The following TFAP2B variants were observed in gnomAD, a reference collection of about 807,000 sequenced individuals.
TFAP2B encodes the protein transcription factor AP-2-beta.
In TFAP2B, 9 loss-of-function variants were observed where a neutral mutation model predicts 44.3. The ratio of observed to expected loss-of-function variants is 0.20; its 90% CI spans 0.12 to 0.35. The LOEUF (loss-of-function observed/expected upper bound fraction) is 0.35, where lower values mean the gene tolerates loss of function less well. Ranked by LOEUF, TFAP2B falls within the 10% of genes least tolerant of loss-of-function variation. The pLI is 1.00. For missense variants in TFAP2B, 509 were observed against 600.0 expected (o/e 0.85, Z 1.59); for synonymous variants, 270 against 263.8 (o/e 1.02, Z -0.23).
chr6:50,840,097 C>T (rs553983411), intron 5 of TFAP2B, 59 bp from the exon 6 acceptor site: 20 of 1,604,812 alleles, frequency 1.2e-5, no homozygotes, highest in African/African-American at 9.3e-5. Flanking sequence ...GGAATGTCTC[C>T]GCCCTGGGAT....
At chr6:50,820,337 G>C (rs1163153451) in intron 1 of TFAP2B, among the ~76,000 whole-genome samples, 1 of 152,252 alleles carries the variant, frequency 6.6e-6, no homozygotes, top group Admixed American at 6.5e-5. Flanking sequence ...AAGCTCCTGG[G>C]GGACTCGGGC....
intron 3 of TFAP2B, among the ~76,000 whole-genome samples, chr6:50,835,550 G>A (rs1254139268): frequency 6.6e-6 from 1 of 152,180 alleles, no homozygotes; most frequent in Non-Finnish European, 1.5e-5. Context: ...GATGACCATA[G>A]ATCTGGGTCC....
chr6:50,840,000 AGAATC>A (rs1762694639), intron 5 of TFAP2B, among the ~76,000 whole-genome samples, 151 bp from the exon 6 acceptor site: 1 of 152,192 alleles, frequency 6.6e-6, no homozygotes, highest in Non-Finnish European at 1.5e-5. Flanking sequence ...TTATAGCTTG[AGAATC>A]ATTTTTCCTT....
chr6:50,823,854 G>C lies in TFAP2B; in HGVS notation c.529G>C (p.Glu177Gln). ...GCACGGCCTCGGCCATCCCGGAATG[G>C]AAGACGTCCAGGTAACCACAAACAA... ...SLHGLGHPGMEDVQSVEDANN... is the reference protein window; with the variant it reads ...SLHGLGHPGMQDVQSVEDANN... Residue 177 changes from glutamate (E) to glutamine (Q), a missense_variant, in exon 2 of 7, where the codon GAA (glutamate) becomes CAA (glutamine). Physicochemically the swap from Glu to Gln is conservative, Grantham distance 29. Coordinates refer to ENST00000393655, the MANE Select transcript of TFAP2B (RefSeq NM_003221.4). 6.4e-7 allele frequency: 1 copy of C among 1,552,806 alleles called. No homozygotes were observed. Among genetic ancestry groups the C allele is most frequent in the Non-Finnish European group, 8.7e-7 (1 of 1,151,170 alleles).
At chr6:50,841,307 T>A (rs185064848) in intron 6 of TFAP2B, among the ~76,000 whole-genome samples, 87 of 152,238 alleles carry the variant, frequency 5.7e-4, no homozygotes, top group East Asian at 3.9e-3. Context: ...CTCCCAATGA[T>A]CAAAACCTGG....
Position 50,843,381 on chromosome 6 carries a change from C to A in TFAP2B, c.1372C>A (p.His458Asn), listed in dbSNP as rs1169646721. The A allele has an allele frequency of 1.9e-6, 3 of 1,612,650 alleles. No homozygotes were observed. The African/African-American group carries it at 4.0e-5, about 22-fold the overall frequency. ...GSKTGDKEEK[H>N]RK ...TAAAACTGGCGACAAGGAGGAGAAA[C>A]ACAGGAAATGAAAAATTTTTAAAAA... The change falls in exon 7 of 7, where the codon CAC (histidine) becomes AAC (asparagine). Residue 458 changes from histidine to asparagine, a missense_variant. Coordinates refer to ENST00000393655, the MANE Select transcript of TFAP2B (RefSeq NM_003221.4).
intron 1 of TFAP2B, among the ~76,000 whole-genome samples, chr6:50,823,014 C>A (rs1770397462): frequency 6.6e-6 from 1 of 152,212 alleles, no homozygotes; most frequent in African/African-American, 2.4e-5. Flanking sequence ...CCCAGAGGAG[C>A]AAACACCATA....
intron 5 of TFAP2B, 25 bp from the exon 6 acceptor site, chr6:50,840,131 T>G (rs746255386): frequency 2.5e-6 from 4 of 1,613,810 alleles, no homozygotes; most frequent in Non-Finnish European, 3.4e-6. Flanking sequence ...GTGCTGATTA[T>G]TACCTTTACT....
rs367755031 is a variant in TFAP2B at position 50,828,683 on chromosome 6, T to C, written c.601+4T>C. 4 of 1,614,042 alleles carry C rather than the reference T, an allele frequency of 2.5e-6. No homozygotes were observed. On this transcript the variant is annotated splice_donor_region_variant and intron_variant, in intron 3 of 6. Coordinates refer to ENST00000393655, the MANE Select transcript of TFAP2B (RefSeq NM_003221.4). The stretch of plus-strand genomic sequence containing the variant: ...GACCAGTCTGTCATTAAAAAAGGTA[T>C]GGATAATTCCCCCCAAAAAGTAAGC...
rs1561967846 is a variant in TFAP2B at position 50,843,527 on chromosome 6, T to TAA, written c.*135_*136insAA. On this transcript the variant is annotated 3_prime_UTR_variant, in exon 7 of 7. Transcript: ENST00000393655. ...GTAGAATACACATACAATCAAAATT[T>TAA]TAAAAAAAAAAGCTAAATAACTTAA... The TAA allele has an allele frequency of 2.8e-5, 23 of 830,486 alleles. No individual in the cohort carries two copies. Among genetic ancestry groups the TAA allele is most frequent in the African/African-American group, 1.3e-4 (7 of 53,786 alleles). 51.4% of individuals were successfully genotyped at this position (830,486 alleles called of 1,614,324 possible).
In TFAP2B at chr6:50,847,271, T is replaced by A. The variant is rs1217444137; in HGVS notation, c.*3879T>A. On this transcript the variant is annotated 3_prime_UTR_variant, in exon 7 of 7. Coordinates refer to ENST00000393655, the MANE Select transcript of TFAP2B (RefSeq NM_003221.4). ...AAAATCGACTCCACCTTTGAGTTGG[T>A]CTCTAATTCTCTAACATTGTTTTTG... The A allele has an allele frequency of 1.3e-5, 2 of 152,622 alleles. No individual in the cohort carries two copies. The highest frequency in any genetic ancestry group is 2.9e-5 in the Non-Finnish European group (2 of 68,038). 9.5% of individuals were successfully genotyped at this position (152,622 alleles called of 1,614,324 possible). A position where few individuals can be genotyped will look rare whatever the true frequency, so the allele number is the denominator to read the frequency against.
Position 50,846,724 on chromosome 6 carries a change from A to G in TFAP2B, c.*3332A>G, listed in dbSNP as rs554770274. The G allele has an allele frequency of 1.8e-4, 28 of 152,350 alleles. No individual in the cohort carries two copies. Among genetic ancestry groups the G allele is most frequent in the African/African-American group, 6.5e-4 (27 of 41,552 alleles). 9.4% of individuals were successfully genotyped at this position (152,350 alleles called of 1,614,324 possible). ...GGTGAGGATTCCGTCACCTAAAAAG[A>G]TCTTTAACTTCTCCCCCAAAGTGGG... On this transcript the variant is annotated 3_prime_UTR_variant, in exon 7 of 7. Transcript: ENST00000393655.
chr6:50,828,667 G>C lies in TFAP2B; in HGVS notation c.589G>C (p.Val197Leu), dbSNP rs758905733. 6.2e-7 allele frequency: 1 copy of C among 1,614,042 alleles called. No individual in the cohort carries two copies. Among genetic ancestry groups the C allele is most frequent in the Non-Finnish European group, 8.5e-7 (1 of 1,179,968 alleles). The change falls in exon 3 of 7, where the codon GTC becomes CTC. Residue 197 changes from valine to leucine, a missense_variant. Coordinates refer to ENST00000393655, the MANE Select transcript of TFAP2B (RefSeq NM_003221.4). ...CGGCATGAATCTATTGGACCAGTCT[G>C]TCATTAAAAAAGGTATGGATAATTC... ...NSGMNLLDQS[V>L]IKKVPVPPKS...
At chr6:50,823,019 A>G (rs1260894520) in intron 1 of TFAP2B, among the ~76,000 whole-genome samples, 2 of 152,204 alleles carry the variant, frequency 1.3e-5, no homozygotes, top group Non-Finnish European at 1.5e-5. Flanking sequence ...AGGAGCAAAC[A>G]CCATATGTAA....
At chr6:50,831,004 G>C (rs1211600626) in intron 3 of TFAP2B, among the ~76,000 whole-genome samples, 2 of 152,158 alleles carry the variant, frequency 1.3e-5, no homozygotes, top group East Asian at 3.9e-4. Context: ...AGTGGTCTAG[G>C]TTTGGGGGTC....
In TFAP2B at chr6:50,841,057, G is replaced by A. The variant is rs1762719209; in HGVS notation, c.1082+760G>A. Among the ~76,000 whole-genome samples the A allele has an allele frequency of 2.0e-5, 3 of 152,238 alleles. No individual in the cohort carries two copies. In the South Asian group the frequency reaches 6.2e-4, roughly 31 times the overall value. On this transcript the variant is annotated intron_variant, in intron 6 of 6. Transcript: ENST00000393655. The stretch of plus-strand genomic sequence containing the variant: ...CGTAATTTAAAGAAATATATGGAAG[G>A]CTGAAAAATCATTTGCTCAAATTTG...
chr6:50,823,871 CACAAACAAACAA>C lies in TFAP2B; in HGVS notation c.540+20_540+31del, dbSNP rs368226832. The C allele has an allele frequency of 9.8e-6, 15 of 1,538,308 alleles. No individual in the cohort carries two copies. The highest frequency in any genetic ancestry group is 1.7e-4 in the Middle Eastern group (1 of 5,976). Reference sequence around the variant, plus strand: ...CCGGAATGGAAGACGTCCAGGTAACCACAAACAAACAAACAAACAAACAAAAAAGACCACGAA... The same window carrying C: ...CCGGAATGGAAGACGTCCAGGTAACCACAAACAAACAAAAAAGACCACGAA... On this transcript the variant is annotated splice_region_variant and intron_variant, in intron 2 of 6. Coordinates refer to ENST00000393655, the MANE Select transcript of TFAP2B (RefSeq NM_003221.4).
chr6:50,838,518 T>C (rs1230675188), intron 5 of TFAP2B, among the ~76,000 whole-genome samples: 1 of 152,194 alleles, frequency 6.6e-6, no homozygotes, highest in Non-Finnish European at 1.5e-5. Context: ...TTTAAAACTT[T>C]TGTCACTCCT....
In TFAP2B at chr6:50,823,871, C is replaced by CACAAACAA. The variant is rs368226832; in HGVS notation, c.540+24_540+31dup. ...CCGGAATGGAAGACGTCCAGGTAAC[C>CACAAACAA]ACAAACAAACAAACAAACAAACAAA... On this transcript the variant is annotated splice_region_variant and intron_variant, in intron 2 of 6. Transcript: ENST00000393655. 6.5e-7 allele frequency: 1 copy of CACAAACAA among 1,538,308 alleles called. No homozygotes were observed.
Sources: allele counts gnomAD v4.1 joint callset (sites outside exome capture counted in the v4.1 genomes callset), GRCh38; gene constraint gnomAD v4.1.1; transcripts MANE v1.5; gene names NCBI Gene and HGNC (gene_info 2026-07-23, HGNC 2026-07-21).